Variants in MAF observed in about 807,000 individuals in gnomAD.
MAF encodes the protein MAF bZIP transcription factor, also known as transcription factor Maf.
A neutral mutation model predicts 22.0 loss-of-function variants in MAF; 10 were observed. The observed-to-expected ratio is 0.45, with a 90% CI of 0.28 to 0.77. MAF has a LOEUF of 0.77. MAF is among the 30% of genes least tolerant of loss of function. The probability of loss-of-function intolerance (pLI) is 0.12; values close to 1 mark genes in which losing one functional copy is unlikely to be tolerated. For missense variants in MAF, 544 were observed against 548.4 expected (o/e 0.99, Z 0.08); for synonymous variants, 337 against 255.8 (o/e 1.32, Z -3.03).
At chr16:79,263,074 T>C in the MAF span, among the ~76,000 whole-genome samples, 1 of 152,298 alleles carries the variant, frequency 6.6e-6, no homozygotes, top group African/African-American at 2.4e-5. Flanking sequence ...CCAGTGTTAA[T>C]GCAGGTCATC....
At chr16:79,341,308 T>G in the MAF span, among the ~76,000 whole-genome samples, 1 of 152,152 alleles carries the variant, frequency 6.6e-6, no homozygotes, top group African/African-American at 2.4e-5. Context: ...GCACCTGTCT[T>G]GTATAGCGCT....
the MAF span, among the ~76,000 whole-genome samples, chr16:79,429,434 C>G: frequency 6.6e-6 from 1 of 152,152 alleles, no homozygotes; most frequent in African/African-American, 2.4e-5. Flanking sequence ...TGGCAGGAGA[C>G]CTCCCCTCTG....
At chr16:79,298,474 T>C in the MAF span, among the ~76,000 whole-genome samples, 13 of 152,304 alleles carry the variant, frequency 8.5e-5, no homozygotes, top group Admixed American at 7.2e-4. Flanking sequence ...AACCATATAT[T>C]TCCCTTGACA....
chr16:79,530,869 T>C, the MAF span, among the ~76,000 whole-genome samples: 2 of 152,160 alleles, frequency 1.3e-5, no homozygotes, highest in Admixed American at 1.3e-4. Flanking sequence ...AATGATTACT[T>C]GTGAGCCACT....
chr16:79,222,115 C>T, the MAF span, among the ~76,000 whole-genome samples: 1 of 152,094 alleles, frequency 6.6e-6, no homozygotes, highest in Non-Finnish European at 1.5e-5. Flanking sequence ...AGACTAACAG[C>T]AGATCTCTCG....
chr16:79,513,285 A>G, the MAF span, among the ~76,000 whole-genome samples: 17 of 152,244 alleles, frequency 1.1e-4, no homozygotes, highest in African/African-American at 3.6e-4. Flanking sequence ...CCACAGAAAC[A>G]TGATTTTTAA....
chr16:79,531,558 G>A, the MAF span, among the ~76,000 whole-genome samples: 12 of 152,100 alleles, frequency 7.9e-5, no homozygotes, highest in African/African-American at 2.7e-4. Context: ...CCCATCTGGG[G>A]TTGATGGGAG....
chr16:79,404,614 G>A, the MAF span, among the ~76,000 whole-genome samples: 6 of 149,544 alleles, frequency 4.0e-5, no homozygotes, highest in Non-Finnish European at 7.4e-5. Context: ...AATGACAAGC[G>A]CTTCAATCTC....
At chr16:79,371,151 G>T in the MAF span, among the ~76,000 whole-genome samples, 38 of 151,436 alleles carry the variant, frequency 2.5e-4, no homozygotes, top group African/African-American at 9.0e-4. Context: ...TTGGTGTTTT[G>T]GTGGGAGTGC....
At chr16:79,211,669 G>A in the MAF span, 1 of 1,614,204 alleles carries the variant, frequency 6.2e-7, no homozygotes, top group Non-Finnish European at 8.5e-7. Context: ...GGTCTGGGAG[G>A]GATGTACTTC....
the MAF span, among the ~76,000 whole-genome samples, chr16:79,503,012 T>G: frequency 6.6e-6 from 1 of 152,004 alleles, no homozygotes. Flanking sequence ...GGTCAAAGTA[T>G]GTAAAAATCA....
At chr16:79,276,051 G>C in the MAF span, among the ~76,000 whole-genome samples, 1 of 152,066 alleles carries the variant, frequency 6.6e-6, no homozygotes, top group Non-Finnish European at 1.5e-5. Context: ...TGAGGTAGGA[G>C]AATCTCTTGA....
chr16:79,269,995 G>A, the MAF span, among the ~76,000 whole-genome samples: 1 of 152,042 alleles, frequency 6.6e-6, no homozygotes, highest in African/African-American at 2.4e-5. Flanking sequence ...TTTCATTCCA[G>A]AAAGATCACA....
At chr16:79,360,093 C>A in the MAF span, among the ~76,000 whole-genome samples, 1 of 152,126 alleles carries the variant, frequency 6.6e-6, no homozygotes, top group South Asian at 2.1e-4. Context: ...GAATGGCTGC[C>A]TTGGAACACA....
At chr16:79,362,690 T>C in the MAF span, among the ~76,000 whole-genome samples, 1 of 152,140 alleles carries the variant, frequency 6.6e-6, no homozygotes, top group Non-Finnish European at 1.5e-5. Flanking sequence ...AACCCATTGA[T>C]AAAATTCTAG....
the MAF span, among the ~76,000 whole-genome samples, chr16:79,400,879 G>A: frequency 6.6e-6 from 1 of 152,252 alleles, no homozygotes; most frequent in East Asian, 1.9e-4. Flanking sequence ...CGGGGAAGGA[G>A]GAGCTGCCAC....
chr16:79,484,266 G>A, the MAF span, among the ~76,000 whole-genome samples: 2 of 152,220 alleles, frequency 1.3e-5, no homozygotes, highest in African/African-American at 4.8e-5. Context: ...TTAGTCAACT[G>A]GTGATGACGA....
chr16:79,236,294 C>G, the MAF span, among the ~76,000 whole-genome samples: 3 of 152,016 alleles, frequency 2.0e-5, no homozygotes, highest in Admixed American at 2.0e-4. Flanking sequence ...CAGCGGGACA[C>G]AGTCTGTGTC....
chr16:79,520,738 A>G, the MAF span, among the ~76,000 whole-genome samples: 1 of 152,018 alleles, frequency 6.6e-6, no homozygotes, highest in Non-Finnish European at 1.5e-5. Context: ...ACATTAGTCT[A>G]CCTGCTAGAG....
Sources: allele counts gnomAD v4.1 joint callset (sites outside exome capture counted in the v4.1 genomes callset), GRCh38; gene constraint gnomAD v4.1.1; transcripts MANE v1.5; gene names NCBI Gene and HGNC (gene_info 2026-07-23, HGNC 2026-07-21).